Variants in HS3ST4 observed in about 807,000 individuals in gnomAD.
The protein encoded by HS3ST4 is heparan sulfate-glucosamine 3-sulfotransferase 4, also known as heparan sulfate glucosamine 3-O-sulfotransferase 4.
HS3ST4 carries 17 observed loss-of-function variants against 29.2 expected under a neutral mutation model. The observed-to-expected ratio is 0.58, with a 90% confidence interval of 0.40 to 0.87. The LOEUF (loss-of-function observed/expected upper bound fraction) is 0.87. HS3ST4 is among the 40% of genes least tolerant of loss of function. The pLI, the probability that HS3ST4 is intolerant of heterozygous loss-of-function variation, is 0.00. For missense variants in HS3ST4, 627 were observed against 634.5 expected (o/e 0.99, Z 0.13); for synonymous variants, 314 against 285.7 (o/e 1.10, Z -1.00).
chr16:25,885,056 C>CGG, intron 1 of HS3ST4, among the ~76,000 whole-genome samples: 1 of 152,242 alleles, frequency 6.6e-6, no homozygotes, highest in East Asian at 1.9e-4. Context: ...ATAACCATTT[C>CGG]AGAATAAAAA....
intron 1 of HS3ST4, among the ~76,000 whole-genome samples, chr16:25,992,062 G>A (rs894306134): frequency 1.3e-5 from 2 of 152,064 alleles, no homozygotes; most frequent in East Asian, 3.9e-4. Context: ...AGAAGAAAAT[G>A]GCAAGGTTTG....
chr16:25,776,204 C>T (rs1966847426), intron 1 of HS3ST4, among the ~76,000 whole-genome samples: 1 of 152,138 alleles, frequency 6.6e-6, no homozygotes, highest in African/African-American at 2.4e-5. Flanking sequence ...AAATGCTTGA[C>T]TCAGTCACAC....
intron 1 of HS3ST4, among the ~76,000 whole-genome samples, chr16:25,697,191 T>C (rs147558349): frequency 2.0e-5 from 3 of 152,346 alleles, no homozygotes; most frequent in African/African-American, 7.2e-5. Context: ...ATAAGATAGA[T>C]GAAGCACCTG....
chr16:25,981,053 T>C (rs914125772), intron 1 of HS3ST4, among the ~76,000 whole-genome samples: 3 of 151,900 alleles, frequency 2.0e-5, no homozygotes, highest in African/African-American at 7.3e-5. Flanking sequence ...CATGTGAGGG[T>C]TCCATAAAGA....
chr16:26,108,588 A>G (rs1285440847), intron 1 of HS3ST4, among the ~76,000 whole-genome samples: 1 of 152,202 alleles, frequency 6.6e-6, no homozygotes, highest in Admixed American at 6.5e-5. Flanking sequence ...ACTTGCCTGT[A>G]CCTCAGTTTC....
chr16:25,970,032 A>T (rs1209829569), intron 1 of HS3ST4, among the ~76,000 whole-genome samples: 4 of 152,236 alleles, frequency 2.6e-5, no homozygotes, highest in African/African-American at 9.6e-5. Context: ...AAATGAATGC[A>T]TGGGGAAATA....
At chr16:25,717,616 A>G (rs1292240154) in intron 1 of HS3ST4, among the ~76,000 whole-genome samples, 2 of 151,560 alleles carry the variant, frequency 1.3e-5, no homozygotes, top group Non-Finnish European at 2.9e-5. Flanking sequence ...GGTGCATCGC[A>G]TGCTGGAAAA....
At chr16:26,112,439 G>A (rs144162513) in intron 1 of HS3ST4, among the ~76,000 whole-genome samples, 2 of 142,228 alleles carry the variant, frequency 1.4e-5, no homozygotes, top group African/African-American at 2.6e-5. Flanking sequence ...CTGGAGTGCA[G>A]TGACACGACC....
intron 1 of HS3ST4, among the ~76,000 whole-genome samples, chr16:25,778,600 G>C (rs965501104): frequency 4.6e-5 from 7 of 152,176 alleles, no homozygotes; most frequent in Non-Finnish European, 7.3e-5. Flanking sequence ...GAAATCAGTA[G>C]ATTTTGAATA....
chr16:25,914,358 G>A lies in HS3ST4; in HGVS notation c.734+221207G>A, dbSNP rs547044667. Among the ~76,000 whole-genome samples, 13 of 151,512 alleles carry A rather than the reference G, an allele frequency of 8.6e-5. No homozygotes were observed. The South Asian group carries it at 2.3e-3, about 27-fold the overall frequency. ...TGATGTATGTATGTGGGGTGTGTAT[G>A]TTTATGGGGCTGGATGTGATGTTTT... On this transcript the variant is annotated intron_variant, in intron 1 of 1. Coordinates refer to ENST00000331351, the MANE Select transcript of HS3ST4 (RefSeq NM_006040.3).
chr16:25,754,424 C>T (rs1966742533), intron 1 of HS3ST4, among the ~76,000 whole-genome samples: 2 of 152,056 alleles, frequency 1.3e-5, no homozygotes, highest in Admixed American at 6.6e-5. Flanking sequence ...ATTCATTCAC[C>T]TACCACCCAT....
chr16:26,045,797 G>A (rs1898258304), intron 1 of HS3ST4, among the ~76,000 whole-genome samples: 1 of 152,066 alleles, frequency 6.6e-6, no homozygotes, highest in South Asian at 2.1e-4. Flanking sequence ...TCTCTCACAT[G>A]GATTATATTT....
intron 1 of HS3ST4, among the ~76,000 whole-genome samples, chr16:25,868,362 A>G (rs1290106427): frequency 6.6e-6 from 1 of 152,182 alleles, no homozygotes; most frequent in Admixed American, 6.5e-5. Context: ...AACAGCAGGC[A>G]TCACAACCTG....
At chr16:25,703,110 G>GAT (rs1366195578) in intron 1 of HS3ST4, among the ~76,000 whole-genome samples, 1 of 152,050 alleles carries the variant, frequency 6.6e-6, no homozygotes, top group Non-Finnish European at 1.5e-5. Flanking sequence ...ATTGAGCCGA[G>GAT]ATTGCACCAC....
intron 1 of HS3ST4, among the ~76,000 whole-genome samples, chr16:26,116,689 G>A (rs1323306981): frequency 1.3e-5 from 2 of 152,076 alleles, no homozygotes; most frequent in African/African-American, 4.8e-5. Flanking sequence ...ATTGACATTT[G>A]TTTATTTATT....
intron 1 of HS3ST4, among the ~76,000 whole-genome samples, chr16:25,913,324 C>T (rs548900247): frequency 6.6e-6 from 1 of 152,322 alleles, no homozygotes; most frequent in African/African-American, 2.4e-5. Context: ...AGGGCAGAGC[C>T]CCCATGAATG....
intron 1 of HS3ST4, among the ~76,000 whole-genome samples, chr16:25,951,490 A>G (rs1195549681): frequency 6.6e-6 from 1 of 152,210 alleles, no homozygotes; most frequent in Non-Finnish European, 1.5e-5. Flanking sequence ...ACACTAACAT[A>G]TTATACTAAT....
rs79896955 is a variant in HS3ST4 at position 26,089,602 on chromosome 16, C to T, written c.735-46010C>T. ...TGCCAGGATTTGCTCTGTTAGCATT[C>T]GCACACTTGGTCTTATTTAATCCCA... On this transcript the variant is annotated intron_variant, in intron 1 of 1. Transcript: ENST00000331351. Among the ~76,000 whole-genome samples the T allele has an allele frequency of 1.7e-3, 266 of 152,310 alleles. 4 individuals are homozygous for T. The East Asian group carries it at 0.023, about 13-fold the overall frequency.
At chr16:26,091,745 A>G (rs1446652521) in intron 1 of HS3ST4, among the ~76,000 whole-genome samples, 2 of 152,240 alleles carry the variant, frequency 1.3e-5, no homozygotes, top group African/African-American at 4.8e-5. Flanking sequence ...AGAAGTTGGC[A>G]TCTGTTAAGT....
Sources: allele counts gnomAD v4.1 joint callset (sites outside exome capture counted in the v4.1 genomes callset), GRCh38; gene constraint gnomAD v4.1.1; transcripts MANE v1.5; gene names NCBI Gene and HGNC (gene_info 2026-07-23, HGNC 2026-07-21).